Variants in TENM4 observed in about 807,000 individuals in gnomAD.
TENM4 encodes the protein teneurin transmembrane protein 4.
In TENM4, 82 loss-of-function variants were observed where a neutral mutation model predicts 243.3. The ratio of observed to expected loss-of-function variants is 0.34; its 90% confidence interval spans 0.28 to 0.40. The LOEUF (loss-of-function observed/expected upper bound fraction) is 0.40, where lower values mean the gene tolerates loss of function less well. Ranked by LOEUF, TENM4 falls within the 10% of genes least tolerant of loss-of-function variation. The pLI, the probability that TENM4 is intolerant of heterozygous loss-of-function variation, is 1.00. For missense variants in TENM4, 3,138 were observed against 3,673.3 expected (o/e 0.85, Z 3.77); for synonymous variants, 1,412 against 1,456.3 (o/e 0.97, Z 0.69).
chr11:79,351,541 A>C (rs866496394), intron 1 of TENM4, among the ~76,000 whole-genome samples: 1 of 152,058 alleles, frequency 6.6e-6, no homozygotes. Flanking sequence ...CCTCATCTCT[A>C]CTAAAAATAC....
At chr11:78,833,862 C>T (rs1470389807) in intron 12 of TENM4, among the ~76,000 whole-genome samples, 1 of 152,174 alleles carries the variant, frequency 6.6e-6, no homozygotes, top group African/African-American at 2.4e-5. Context: ...CCTCAGAATT[C>T]TTAAGGTTAT....
At chr11:78,867,271 C>T (rs186407590) in intron 9 of TENM4, among the ~76,000 whole-genome samples, 7 of 152,186 alleles carry the variant, frequency 4.6e-5, no homozygotes, top group Admixed American at 4.6e-4. Flanking sequence ...CCTTCCAAAC[C>T]TCTGGTAACC....
chr11:78,715,967 C>A (rs1185724747), intron 25 of TENM4, among the ~76,000 whole-genome samples: 2 of 152,182 alleles, frequency 1.3e-5, no homozygotes, highest in Non-Finnish European at 2.9e-5. Context: ...CATCTGTGAC[C>A]ACCTAGGGAT....
At chr11:79,232,391 C>A (rs1310190446) in intron 2 of TENM4, among the ~76,000 whole-genome samples, 7 of 152,252 alleles carry the variant, frequency 4.6e-5, no homozygotes, top group African/African-American at 1.7e-4. Context: ...CAGCCCCAGC[C>A]TGTGCCCCTC....
chr11:79,264,475 C>A (rs1855850319), intron 2 of TENM4, among the ~76,000 whole-genome samples: 1 of 152,298 alleles, frequency 6.6e-6, no homozygotes, highest in Non-Finnish European at 1.5e-5. Flanking sequence ...GGCAACACAG[C>A]AGTAACGGAT....
At chr11:78,710,403 C>A (rs1484325958) in intron 26 of TENM4, among the ~76,000 whole-genome samples, 1 of 152,218 alleles carries the variant, frequency 6.6e-6, no homozygotes, top group Non-Finnish European at 1.5e-5. Flanking sequence ...GTGCTGAGAA[C>A]CTGCTGGAGC....
chr11:79,346,901 T>C (rs1857334938), intron 1 of TENM4, among the ~76,000 whole-genome samples: 1 of 152,174 alleles, frequency 6.6e-6, no homozygotes, highest in African/African-American at 2.4e-5. Flanking sequence ...ATCCCTGTGA[T>C]CTCTGCTTTC....
At chr11:79,222,850 G>GT (rs1216027351) in intron 2 of TENM4, among the ~76,000 whole-genome samples, 1 of 152,066 alleles carries the variant, frequency 6.6e-6, no homozygotes, top group African/African-American at 2.4e-5. Context: ...TGATAGGGTT[G>GT]TTTTTTTCTT....
At chr11:78,819,597 G>A (rs10899572) in intron 12 of TENM4, among the ~76,000 whole-genome samples, 40,571 of 151,998 alleles carry the variant, frequency 0.27, 6,200 homozygotes, top group Non-Finnish European at 0.35. Context: ...CTCTGTGGAC[G>A]TGCGAGCTTG....
At chr11:78,800,799 T>C (rs979723781) in intron 15 of TENM4, among the ~76,000 whole-genome samples, 2 of 151,414 alleles carry the variant, frequency 1.3e-5, no homozygotes, top group African/African-American at 4.9e-5. Flanking sequence ...TATAACATAG[T>C]GTTTAGGAGA....
At position 78,903,486 on chromosome 11, in the gene TENM4, C is replaced by A. The variant is rs969116021; in HGVS notation, c.531G>T (p.Arg177=). The A allele has an allele frequency of 6.5e-7, 1 of 1,547,388 alleles. No individual in the cohort carries two copies. The highest frequency in any genetic ancestry group is 1.4e-5 in the African/African-American group (1 of 72,944). The part of the protein sequence containing the change: ...PGGLQNHARL[R]TPPPPLSHAH... ...CGTGCGAGAGCGGCGGCGGCGGCGT[C>A]CGGAGCCGCGCGTGGTTCTGCAGGC... Residue 177 remains arginine (R), a synonymous_variant, in exon 7 of 34, where the codon CGG becomes CGT. Coordinates refer to ENST00000278550, the MANE Select transcript of TENM4 (RefSeq NM_001098816.3).
chr11:78,865,919 A>G (rs1013194328), intron 9 of TENM4, among the ~76,000 whole-genome samples: 29 of 152,254 alleles, frequency 1.9e-4, no homozygotes, highest in African/African-American at 6.5e-4. Context: ...GAGGTAATAC[A>G]TGGTAAAATG....
intron 1 of TENM4, among the ~76,000 whole-genome samples, chr11:79,364,519 A>G (rs927562247): frequency 3.9e-5 from 6 of 152,264 alleles, no homozygotes; most frequent in African/African-American, 1.4e-4. Flanking sequence ...AAGCTATGGT[A>G]AAAATCTGAA....
chr11:78,891,100 G>C, intron 8 of TENM4, 138 bp downstream of exon 8: 1 of 714,190 alleles, frequency 1.4e-6, no homozygotes. Context: ...GTTGCAAGTT[G>C]AACACGGACT....
At chr11:79,014,554 T>C (rs1162132159) in intron 6 of TENM4, 4 of 152,184 alleles carry the variant, frequency 2.6e-5, no homozygotes, top group Non-Finnish European at 1.5e-5. Flanking sequence ...CACTCCTGGG[T>C]CCAGAGCACA....
intron 2 of TENM4, 126 bp from the exon 3 acceptor site, chr11:79,216,035 G>T: frequency 5.0e-6 from 1 of 200,174 alleles, no homozygotes; most frequent in Non-Finnish European, 8.9e-6. Context: ...CTTGTTCCTG[G>T]TCCCACAGCA....
At chr11:79,237,613 G>C (rs11237772) in intron 2 of TENM4, among the ~76,000 whole-genome samples, 2 of 152,314 alleles carry the variant, frequency 1.3e-5, no homozygotes, top group South Asian at 4.1e-4. Context: ...GGAGGTGGAG[G>C]TTGCAGTGAG....
At chr11:79,319,588 A>G (rs1856855057) in intron 1 of TENM4, among the ~76,000 whole-genome samples, 1 of 152,172 alleles carries the variant, frequency 6.6e-6, no homozygotes, top group Non-Finnish European at 1.5e-5. Context: ...GGCATGCTGG[A>G]AGGACTGCCA....
chr11:79,273,297 T>G (rs1454667169), intron 2 of TENM4, among the ~76,000 whole-genome samples: 3 of 152,198 alleles, frequency 2.0e-5, no homozygotes, highest in Non-Finnish European at 4.4e-5. Flanking sequence ...GTTAAAAAGT[T>G]AAAGTAACCA....
Sources: allele counts gnomAD v4.1 joint callset (sites outside exome capture counted in the v4.1 genomes callset), GRCh38; gene constraint gnomAD v4.1.1; transcripts MANE v1.5; gene names NCBI Gene and HGNC (gene_info 2026-07-23, HGNC 2026-07-21).